Variants in PDE7B observed in about 807,000 individuals in gnomAD.
The protein encoded by PDE7B is phosphodiesterase 7B, also known as 3',5'-cyclic-AMP phosphodiesterase 7B.
A neutral mutation model predicts 56.2 loss-of-function variants in PDE7B; 29 were observed. The observed-to-expected ratio is 0.52, with a 90% CI of 0.38 to 0.70. The LOEUF (loss-of-function observed/expected upper bound fraction) is 0.70, where lower values mean the gene tolerates loss of function less well. Among genes scored for constraint, PDE7B ranks in the 30% least tolerant of loss-of-function variants. The pLI, the probability that PDE7B is intolerant of heterozygous loss-of-function variation, is 0.00. For missense variants in PDE7B, 490 were observed against 565.0 expected (o/e 0.87, Z 1.35); for synonymous variants, 197 against 196.9 (o/e 1.00, Z 0.00).
chr6:135,954,970 A>G (rs1478104182), intron 2 of PDE7B, among the ~76,000 whole-genome samples: 1 of 152,164 alleles, frequency 6.6e-6, no homozygotes, highest in East Asian at 1.9e-4. Context: ...AGTCCAAACT[A>G]TCAGAACTGA....
chr6:136,124,750 A>G (rs1045213902), intron 3 of PDE7B, among the ~76,000 whole-genome samples: 1 of 152,252 alleles, frequency 6.6e-6, no homozygotes, highest in African/African-American at 2.4e-5. Context: ...TGAATTAATA[A>G]ATATTGAAGG....
intron 2 of PDE7B, among the ~76,000 whole-genome samples, chr6:136,031,738 CAAAAAA>C: frequency 9.1e-6 from 1 of 109,972 alleles, no homozygotes; most frequent in East Asian, 2.8e-4. Context: ...GACTCCGTCT[CAAAAAA>C]AAAAAAAAAA....
chr6:135,895,171 A>AT (rs1210455070), intron 1 of PDE7B, among the ~76,000 whole-genome samples: 2 of 152,162 alleles, frequency 1.3e-5, no homozygotes, highest in African/African-American at 4.8e-5. Context: ...TGAGATGTAC[A>AT]TTGCCCATTG....
chr6:136,059,483 G>C (rs1776799151), intron 2 of PDE7B, among the ~76,000 whole-genome samples: 1 of 151,492 alleles, frequency 6.6e-6, no homozygotes, highest in Admixed American at 6.6e-5. Context: ...GTGGAGATCT[G>C]AGCTGTGGTG....
intron 9 of PDE7B, among the ~76,000 whole-genome samples, chr6:136,178,175 G>A (rs1331461336): frequency 1.3e-5 from 2 of 152,162 alleles, no homozygotes; most frequent in African/African-American, 4.8e-5. Flanking sequence ...AAAGGAAAGG[G>A]GATGTGATGA....
At chr6:135,975,995 A>G (rs1012823426) in intron 2 of PDE7B, among the ~76,000 whole-genome samples, 2 of 152,132 alleles carry the variant, frequency 1.3e-5, no homozygotes, top group East Asian at 3.9e-4. Context: ...GTGATTCTTT[A>G]CAGAAAAGCA....
chr6:135,949,296 T>C (rs777049918), intron 2 of PDE7B, among the ~76,000 whole-genome samples: 1 of 152,048 alleles, frequency 6.6e-6, no homozygotes, highest in Non-Finnish European at 1.5e-5. Flanking sequence ...GATTGATTAG[T>C]TTATAGCTAG....
At chr6:136,120,127 C>T (rs918930554) in intron 3 of PDE7B, among the ~76,000 whole-genome samples, 3 of 152,138 alleles carry the variant, frequency 2.0e-5, no homozygotes, top group East Asian at 1.9e-4. Context: ...TTTATTATTA[C>T]AGATATTAGT....
intron 2 of PDE7B, among the ~76,000 whole-genome samples, chr6:135,972,678 T>C (rs1019934080): frequency 2.0e-5 from 3 of 152,206 alleles, no homozygotes; most frequent in African/African-American, 7.2e-5. Flanking sequence ...AATATTCCGT[T>C]GGTCAGAAAC....
intron 1 of PDE7B, among the ~76,000 whole-genome samples, chr6:135,937,233 G>T (rs1284725660): frequency 1.3e-5 from 2 of 152,204 alleles, no homozygotes; most frequent in Non-Finnish European, 2.9e-5. Flanking sequence ...AACCCTTTTG[G>T]GATCTCTCTA....
rs994191521 is a variant in PDE7B, at chr6:136,132,118, A to G, written c.167-15233A>G. On this transcript the variant is annotated intron_variant, in intron 3 of 12. Transcript: ENST00000308191. ...TACAGTCTTGTTAACTGTAAGTACA[A>G]TGTTGTACAGCCGACCTCTACAATT... is the stretch of plus-strand genomic sequence containing the variant. Among the ~76,000 whole-genome samples the G allele has an allele frequency of 1.3e-5, 2 of 152,116 alleles. 1 individual carries two copies. Among genetic ancestry groups the G allele is most frequent in the African/African-American group, 4.8e-5 (2 of 41,420 alleles).
chr6:136,005,866 A>G (rs570069390), intron 2 of PDE7B, among the ~76,000 whole-genome samples: 3 of 152,242 alleles, frequency 2.0e-5, no homozygotes, highest in African/African-American at 7.2e-5. Context: ...TATATACCCA[A>G]AGGACTATAA....
rs566149848 is a variant in PDE7B at position 136,066,852 on chromosome 6, C to CT, written c.83-41862dup. 3.5e-3 allele frequency among the ~76,000 whole-genome samples: 487 copies of CT among 138,286 alleles called. 2 individuals carry two copies. Among genetic ancestry groups the CT allele is most frequent in the East Asian group, 0.016 (77 of 4,856 alleles). 90.7% of individuals were successfully genotyped at this position (138,286 alleles called of 152,430 possible). ...GAGTATTCCTTTGGATAACCATAAC[C>CT]TTTTTTTTTTTTTTTTTGAAATGAG... On this transcript the variant is annotated intron_variant, in intron 2 of 12. Coordinates refer to ENST00000308191, the MANE Select transcript of PDE7B (RefSeq NM_018945.4).
chr6:136,005,923 C>T (rs1775773810), intron 2 of PDE7B, among the ~76,000 whole-genome samples: 1 of 151,900 alleles, frequency 6.6e-6, no homozygotes, highest in African/African-American at 2.4e-5. Flanking sequence ...TATTGCGGCA[C>T]TATTCACAAT....
intron 2 of PDE7B, among the ~76,000 whole-genome samples, chr6:136,084,512 ACC>A (rs1777256526): frequency 6.6e-6 from 1 of 152,206 alleles, no homozygotes; most frequent in Non-Finnish European, 1.5e-5. Flanking sequence ...CAACACTATT[ACC>A]TCAATGATTA....
At chr6:135,984,383 C>T (rs1282526495) in intron 2 of PDE7B, among the ~76,000 whole-genome samples, 1 of 152,140 alleles carries the variant, frequency 6.6e-6, no homozygotes, top group Non-Finnish European at 1.5e-5. Flanking sequence ...AATTTGCCAG[C>T]TCATAATTCT....
At chr6:136,169,728 T>C (rs1030749733) in intron 8 of PDE7B, among the ~76,000 whole-genome samples, 10 of 152,196 alleles carry the variant, frequency 6.6e-5, no homozygotes, top group African/African-American at 2.4e-4. Context: ...ATCACACTAA[T>C]CTATCACTCT....
chr6:135,901,644 G>A (rs889178576), intron 1 of PDE7B, among the ~76,000 whole-genome samples: 1 of 152,056 alleles, frequency 6.6e-6, no homozygotes, highest in Non-Finnish European at 1.5e-5. Flanking sequence ...AATTGACCCG[G>A]CAGCACACCC....
In PDE7B at chr6:135,868,567, G is replaced by C. The variant is rs138997079; in HGVS notation, c.21+16548G>C. ...CTGCCTCAGCCTCCTAAGTAGCTGA[G>C]ACTACAGGCAGGTGTCACCATGCAC... On this transcript the variant is annotated intron_variant, in intron 1 of 12. Transcript: ENST00000308191. 4.5e-3 allele frequency among the ~76,000 whole-genome samples: 685 copies of C among 152,282 alleles called. 12 individuals carry two copies. The highest frequency in any genetic ancestry group is 0.02 in the South Asian group (95 of 4,822).
Sources: allele counts gnomAD v4.1 joint callset (sites outside exome capture counted in the v4.1 genomes callset), GRCh38; gene constraint gnomAD v4.1.1; transcripts MANE v1.5; gene names NCBI Gene and HGNC (gene_info 2026-07-23, HGNC 2026-07-21).